The following PPP2R2B variants were observed in gnomAD, a reference collection of about 807,000 sequenced individuals.
PPP2R2B encodes serine/threonine-protein phosphatase 2A 55 kDa regulatory subunit B beta isoform.
A neutral mutation model predicts 46.0 loss-of-function variants in PPP2R2B; 5 were observed. The observed-to-expected ratio is 0.11, with a 90% confidence interval of 0.06 to 0.23. The LOEUF (loss-of-function observed/expected upper bound fraction) is 0.23. Among genes scored for constraint, PPP2R2B ranks in the 10% least tolerant of loss-of-function variants. PPP2R2B has a pLI of 1.00. For synonymous variants in PPP2R2B, 215 were observed against 206.7 expected, an observed-to-expected ratio of 1.04 and a Z score of -0.34; for missense variants, 367 against 575.0, an observed-to-expected ratio of 0.64 and a Z score of 3.70.
intron 7 of PPP2R2B, among the ~76,000 whole-genome samples, 192 bp downstream of exon 7, chr5:146,638,042 GTCTTATTTATTTTCATC>G (rs1471391288): frequency 6.8e-6 from 1 of 146,998 alleles, no homozygotes; most frequent in East Asian, 2.1e-4. Context: ...TGAGGGTCAT[GTCTTATTTATTTTCATC>G]TCTGGATGTT....
chr5:147,008,335 T>G (rs1224347166), intron 1 of PPP2R2B, among the ~76,000 whole-genome samples: 1 of 152,126 alleles, frequency 6.6e-6, no homozygotes, highest in African/African-American at 2.4e-5. Context: ...CTTATGAAGG[T>G]CTATGCATAA....
chr5:146,850,984 T>C (rs558073495), intron 2 of PPP2R2B, among the ~76,000 whole-genome samples: 27 of 152,272 alleles, frequency 1.8e-4, no homozygotes, highest in African/African-American at 5.8e-4. Context: ...ATAAATTTGA[T>C]TGGTCACCCC....
chr5:146,684,090 C>T (rs1319328776), intron 5 of PPP2R2B, among the ~76,000 whole-genome samples: 1 of 152,110 alleles, frequency 6.6e-6, no homozygotes, highest in African/African-American at 2.4e-5. Flanking sequence ...ATGGAATAGG[C>T]TTGATTGATT....
At chr5:146,995,603 G>A (rs1753889143) in intron 1 of PPP2R2B, among the ~76,000 whole-genome samples, 2 of 152,270 alleles carry the variant, frequency 1.3e-5, no homozygotes, top group Non-Finnish European at 2.9e-5. Context: ...CTTCCCACAA[G>A]TTCAACTCCA....
intron 7 of PPP2R2B, among the ~76,000 whole-genome samples, chr5:146,620,784 T>G (rs1773616370): frequency 6.6e-6 from 1 of 152,140 alleles, no homozygotes; most frequent in African/African-American, 2.4e-5. Context: ...TCTCATAATT[T>G]GTTCCCAACA....
chr5:147,001,069 A>T (rs1173744137), intron 1 of PPP2R2B, among the ~76,000 whole-genome samples: 1 of 152,138 alleles, frequency 6.6e-6, no homozygotes, highest in Non-Finnish European at 1.5e-5. Flanking sequence ...AAAGGTTTGT[A>T]AATTCTCCAA....
chr5:146,921,501 G>A (rs937593034), intron 1 of PPP2R2B, among the ~76,000 whole-genome samples: 5 of 152,168 alleles, frequency 3.3e-5, no homozygotes, highest in African/African-American at 1.2e-4. Context: ...CATTGCTCGT[G>A]TATCTTTCTC....
At chr5:147,007,169 C>T (rs981075358) in intron 1 of PPP2R2B, among the ~76,000 whole-genome samples, 3 of 152,062 alleles carry the variant, frequency 2.0e-5, no homozygotes, top group Non-Finnish European at 4.4e-5. Flanking sequence ...CTAAAGAGTT[C>T]CCATCCGGAG....
intron 2 of PPP2R2B, among the ~76,000 whole-genome samples, chr5:146,789,371 G>A (rs914789236): frequency 6.6e-6 from 1 of 152,024 alleles, no homozygotes; most frequent in East Asian, 1.9e-4. Context: ...TTTTAGAATC[G>A]AGTAACATGG....
chr5:146,934,670 T>C (rs1764084270), intron 1 of PPP2R2B, among the ~76,000 whole-genome samples: 1 of 151,170 alleles, frequency 6.6e-6, no homozygotes, highest in Non-Finnish European at 1.5e-5. Flanking sequence ...GTAGCTTTTC[T>C]AGGTTTAGCT....
chr5:147,052,588 G>C (rs1171410973), intron 1 of PPP2R2B, among the ~76,000 whole-genome samples: 2 of 152,172 alleles, frequency 1.3e-5, no homozygotes, highest in African/African-American at 4.8e-5. Flanking sequence ...CAATGGGGCA[G>C]AAGGAAAAGA....
chr5:146,985,137 C>G (rs1753366092), intron 1 of PPP2R2B, among the ~76,000 whole-genome samples: 1 of 150,782 alleles, frequency 6.6e-6, no homozygotes, highest in Admixed American at 6.6e-5. Context: ...TCTTCTGCCT[C>G]AGCCTCCTGA....
At chr5:146,627,205 A>AG (rs1774124320) in intron 7 of PPP2R2B, among the ~76,000 whole-genome samples, 1 of 152,214 alleles carries the variant, frequency 6.6e-6, no homozygotes, top group Non-Finnish European at 1.5e-5. Context: ...ATTTTAATAA[A>AG]GGACCTTGTC....
chr5:146,678,404 G>T (rs1777895203), intron 5 of PPP2R2B, among the ~76,000 whole-genome samples: 1 of 141,670 alleles, frequency 7.1e-6, no homozygotes, highest in African/African-American at 3.0e-5. Context: ...AAAATAATAA[G>T]AGCTATCTAT....
At chr5:146,881,848 T>C (rs1027288673), upstream of PPP2R2B, among the ~76,000 whole-genome samples, 1 of 152,228 alleles carries the variant, frequency 6.6e-6, no homozygotes, top group African/African-American at 2.4e-5. Flanking sequence ...CCTCCCCCCT[T>C]CTTAAAATTC....
intron 5 of PPP2R2B, among the ~76,000 whole-genome samples, chr5:146,652,342 C>T (rs1232945845): frequency 6.6e-6 from 1 of 152,164 alleles, no homozygotes; most frequent in Non-Finnish European, 1.5e-5. Context: ...CATCCTCCTA[C>T]CCACTCTTTC....
intron 2 of PPP2R2B, among the ~76,000 whole-genome samples, chr5:146,764,994 A>G (rs1486147977): frequency 2.0e-5 from 3 of 152,208 alleles, no homozygotes; most frequent in Non-Finnish European, 4.4e-5. Flanking sequence ...AATAAGGCCA[A>G]TAATTAAACT....
chr5:146,747,804 A>G (rs912491663), intron 2 of PPP2R2B, among the ~76,000 whole-genome samples: 1 of 152,198 alleles, frequency 6.6e-6, no homozygotes, highest in African/African-American at 2.4e-5. Context: ...TGTTAGTGCA[A>G]ACACACTTAT....
intron 1 of PPP2R2B, among the ~76,000 whole-genome samples, chr5:146,930,791 G>A (rs930502152): frequency 1.4e-4 from 22 of 152,074 alleles, no homozygotes; most frequent in African/African-American, 5.1e-4. Flanking sequence ...TCTCTTTGTC[G>A]ATATTAGAAT....
Sources: gnomAD v4.1 joint callset for allele counts (sites outside exome capture counted in the v4.1 genomes callset) on GRCh38, gnomAD v4.1.1 for gene constraint, MANE v1.5 for transcripts, NCBI Gene and HGNC (gene_info 2026-07-23, HGNC 2026-07-21) for gene names.